Variants in GRK5 observed in about 807,000 individuals in gnomAD.
GRK5 encodes g protein-coupled receptor kinase GRK5.
Under a neutral mutation model 78.4 loss-of-function variants are expected in GRK5, and 40 were observed. That is an observed-to-expected ratio of 0.51 (90% CI 0.40 to 0.66). GRK5 has a LOEUF of 0.66. Among genes scored for constraint, GRK5 ranks in the 30% least tolerant of loss-of-function variants. GRK5 has a pLI of 0.00. For synonymous variants in GRK5, 289 were observed against 296.8 expected, an observed-to-expected ratio of 0.97 and a Z score of 0.27; for missense variants, 598 against 759.9, an observed-to-expected ratio of 0.79 and a Z score of 2.50.
intron 1 of GRK5, among the ~76,000 whole-genome samples, chr10:119,246,019 CAAAAAAAAAAAAAAA>C (rs941734040): frequency 1.4e-4 from 2 of 14,044 alleles, no homozygotes; most frequent in South Asian, 2.7e-3. Flanking sequence ...GACTCCATCT[CAAAAAAAAAAAAAAA>C]AAAAAAAAAA....
At chr10:119,403,323 C>A (rs1427942073) in intron 4 of GRK5, among the ~76,000 whole-genome samples, 1 of 151,912 alleles carries the variant, frequency 6.6e-6, no homozygotes, top group Non-Finnish European at 1.5e-5. Context: ...CCTGCCACCA[C>A]GCCCTGCTAA....
In GRK5 at chr10:119,269,832, T is replaced by TAAA. The variant is rs1158379424; in HGVS notation, c.53-56663_53-56661dup. On this transcript the variant is annotated intron_variant, in intron 1 of 15. Transcript: ENST00000392870. ...TGCAAGATGGAGTGAGACTCCATCTTAAAAAAAAAAAAAAAAAAAAAAAGT... is the reference window on the plus strand; with the variant it reads ...TGCAAGATGGAGTGAGACTCCATCTTAAAAAAAAAAAAAAAAAAAAAAAAAAGT... Among the ~76,000 whole-genome samples, 308 of 96,114 alleles carry TAAA rather than the reference T, an allele frequency of 3.2e-3. 1 individual carries two copies. Among genetic ancestry groups the TAAA allele is most frequent in the African/African-American group, 0.012 (299 of 25,060 alleles). 63.1% of individuals were successfully genotyped at this position (96,114 alleles called of 152,430 possible).
intron 3 of GRK5, among the ~76,000 whole-genome samples, chr10:119,389,731 A>G (rs1589780260): frequency 6.6e-6 from 1 of 151,874 alleles, no homozygotes; most frequent in Non-Finnish European, 1.5e-5. Context: ...TAACATAAAA[A>G]CCCTGGGAAC....
Position 119,448,175 on chromosome 10 carries a change from C to T in GRK5, c.1319C>T (p.Ala440Val). Reference protein sequence around the residue: ...QRLGCQEEGAAEVKRHPFFRN... With the variant: ...QRLGCQEEGAVEVKRHPFFRN... ...CTGGGCTGCCAGGAGGAGGGGGCTG[C>T]AGAGGTCAAGAGACACCCCTTCTTC... The change falls in exon 13 of 16, where the codon GCA (alanine) becomes GTA (valine). Residue 440 changes from alanine to valine, a missense_variant. Physicochemically the swap from Ala to Val is moderately conservative, Grantham distance 64. Transcript: ENST00000392870. The T allele has an allele frequency of 6.3e-7, 1 of 1,581,900 alleles. No homozygotes were observed. The highest frequency in any genetic ancestry group is 8.6e-7 in the Non-Finnish European group (1 of 1,167,770).
intron 2 of GRK5, among the ~76,000 whole-genome samples, chr10:119,356,036 A>G (rs1851258478): frequency 6.6e-6 from 1 of 152,212 alleles, no homozygotes; most frequent in Admixed American, 6.5e-5. Flanking sequence ...AGATAATAAT[A>G]CATTCTGCAG....
intron 1 of GRK5, among the ~76,000 whole-genome samples, chr10:119,273,182 CAG>C (rs1414511537): frequency 1.3e-5 from 2 of 152,178 alleles, no homozygotes; most frequent in African/African-American, 2.4e-5. Flanking sequence ...CATGAGTAGA[CAG>C]AATGTGGATT....
intron 2 of GRK5, among the ~76,000 whole-genome samples, chr10:119,344,228 G>A (rs1851035798): frequency 1.3e-5 from 2 of 151,478 alleles, no homozygotes; most frequent in South Asian, 2.1e-4. Flanking sequence ...TGTGCACAAC[G>A]TGTGGGTTTG....
chr10:119,251,388 T>C (rs1004320855), intron 1 of GRK5, among the ~76,000 whole-genome samples: 1 of 152,250 alleles, frequency 6.6e-6, no homozygotes, highest in African/African-American at 2.4e-5. Flanking sequence ...GCATCACCAA[T>C]GCCTTTCTGT....
In GRK5 at chr10:119,336,712, T is replaced by C. The variant is rs1850893582; in HGVS notation, c.148+10101T>C. ...ATTTCATCGTCAGGGAAACCAAGTCTCTGCAGACGTCATTGCTGTCCTTGG... is the reference window on the plus strand; with the variant it reads ...ATTTCATCGTCAGGGAAACCAAGTCCCTGCAGACGTCATTGCTGTCCTTGG... On this transcript the variant is annotated intron_variant, in intron 2 of 15. Coordinates refer to ENST00000392870, the MANE Select transcript of GRK5 (RefSeq NM_005308.3). The surrounding 1 kb of genome is among the most constrained non-coding windows in gnomAD (Gnocchi z 4.5). Among the ~76,000 whole-genome samples the C allele has an allele frequency of 6.6e-6, 1 of 152,214 alleles. No homozygotes were observed. Among genetic ancestry groups the C allele is most frequent in the Non-Finnish European group, 1.5e-5 (1 of 68,030 alleles).
rs1435049848 is a variant in GRK5 at position 119,425,291 on chromosome 10, AC to A, written c.533+207del. Among the ~76,000 whole-genome samples the A allele has an allele frequency of 1.5e-3, 212 of 138,430 alleles. 1 individual carries two copies. Among genetic ancestry groups the A allele is most frequent in the East Asian group, 8.3e-3 (42 of 5,042 alleles). 90.8% of individuals were successfully genotyped at this position (138,430 alleles called of 152,430 possible). On this transcript the variant is annotated intron_variant, in intron 6 of 15. Transcript: ENST00000392870. ...CATACACACACACACACACACACAC[AC>A]ACACAAACACACATTCACGCAAATG...
rs1400509650 is a variant in GRK5 at position 119,412,947 on chromosome 10, T to C, written c.340-10219T>C. On this transcript the variant is annotated intron_variant, in intron 4 of 15. Transcript: ENST00000392870. This position sits in a 1 kb window ranked among gnomAD's most constrained non-coding sequence, Gnocchi z 4.3. ...AGCTCGGCGAGACGAGGGGAGCTCTTGGCCGTGTGAAGAGCACTTGGAGGC... is the reference window on the plus strand; with the variant it reads ...AGCTCGGCGAGACGAGGGGAGCTCTCGGCCGTGTGAAGAGCACTTGGAGGC... Among the ~76,000 whole-genome samples the C allele has an allele frequency of 6.6e-6, 1 of 152,178 alleles. No individual in the cohort carries two copies.
chr10:119,420,577 T>A (rs1234720990), intron 4 of GRK5, among the ~76,000 whole-genome samples: 1 of 150,996 alleles, frequency 6.6e-6, no homozygotes, highest in African/African-American at 2.4e-5. Flanking sequence ...TCTTTCTTTT[T>A]TTTTTTTCTT....
intron 15 of GRK5, among the ~76,000 whole-genome samples, chr10:119,454,614 G>A (rs941575145): frequency 2.0e-5 from 3 of 152,160 alleles, no homozygotes; most frequent in Non-Finnish European, 4.4e-5. Context: ...CTCTTCTCCC[G>A]TGTTACAGGA....
chr10:119,444,932 G>A (rs1205602099), intron 12 of GRK5, among the ~76,000 whole-genome samples: 1 of 152,208 alleles, frequency 6.6e-6, no homozygotes, highest in African/African-American at 2.4e-5. Context: ...GATCTGCGCC[G>A]CAAGCGGCCC....
intron 6 of GRK5, among the ~76,000 whole-genome samples, chr10:119,427,935 AGCCTCACTGCCATCATC>A (rs1564931298): frequency 5.4e-5 from 2 of 36,938 alleles, no homozygotes; most frequent in Non-Finnish European, 1.1e-4. Context: ...TGCCATCATC[AGCCTCACTGCCATCATC>A]AGCCTCACTG....
chr10:119,413,703 G>A (rs914043495), intron 4 of GRK5, among the ~76,000 whole-genome samples: 15 of 151,944 alleles, frequency 9.9e-5, no homozygotes, highest in East Asian at 1.9e-4. Context: ...CTGTGACCCC[G>A]GAACAGTAAG....
rs533047401 is a variant in GRK5, at chr10:119,336,840, C to T, written c.148+10229C>T. 9.3e-4 allele frequency among the ~76,000 whole-genome samples: 142 copies of T among 152,230 alleles called. 1 individual carries two copies. The highest frequency in any genetic ancestry group is 3.3e-3 in the African/African-American group (135 of 41,528). ...GAGGGCGAAATAAATTTAGATGTGT[C>T]GGGTTTGGAACATCAGGTGACCTGT... On this transcript the variant is annotated intron_variant, in intron 2 of 15. Transcript: ENST00000392870. This position sits in a 1 kb window ranked among gnomAD's most constrained non-coding sequence, Gnocchi z 4.5.
In GRK5 at chr10:119,308,872, G is replaced by A. The variant is rs551252358; in HGVS notation, c.53-17644G>A. ...AGGGGAGCCCTGTATGGATTTGGGG[G>A]AATGCTGGCAGGATGGCCTGCCGGC... On this transcript the variant is annotated intron_variant, in intron 1 of 15. Coordinates refer to ENST00000392870, the MANE Select transcript of GRK5 (RefSeq NM_005308.3). 3.1e-3 allele frequency among the ~76,000 whole-genome samples: 463 copies of A among 150,840 alleles called. 3 individuals are homozygous for A. Among genetic ancestry groups the A allele is most frequent in the African/African-American group, 0.011 (440 of 41,322 alleles).
Position 119,430,924 on chromosome 10 carries a change from G to A in GRK5, c.598-463G>A, listed in dbSNP as rs982893312. Among the ~76,000 whole-genome samples, 11 of 152,186 alleles carry A rather than the reference G, an allele frequency of 7.2e-5. No homozygotes were observed. The highest frequency in any genetic ancestry group is 4.1e-4 in the South Asian group (2 of 4,826). ...ATGGTTAGGTGACCCAGCCAAGGGC[G>A]CGCAGACAATGTGAGGCAGAGCTAA... On this transcript the variant is annotated intron_variant, in intron 7 of 15. Transcript: ENST00000392870. The surrounding 1 kb of genome is among the most constrained non-coding windows in gnomAD (Gnocchi z 4.5).
Sources: allele counts gnomAD v4.1 joint callset (sites outside exome capture counted in the v4.1 genomes callset), GRCh38; gene constraint gnomAD v4.1.1; non-coding constraint Gnocchi (gnomAD v3.1); transcripts MANE v1.5; gene names NCBI Gene and HGNC (gene_info 2026-07-23, HGNC 2026-07-21).